The following RAP1GAP2 variants were observed in gnomAD, a reference collection of about 807,000 sequenced individuals.
RAP1GAP2 encodes rap1 GTPase-activating protein 2.
A neutral mutation model predicts 95.0 loss-of-function variants in RAP1GAP2; 27 were observed. The ratio of observed to expected loss-of-function variants is 0.28; its 90% CI spans 0.21 to 0.39. RAP1GAP2 has a LOEUF of 0.39. Among genes scored for constraint, RAP1GAP2 ranks in the 10% least tolerant of loss-of-function variants. RAP1GAP2 has a pLI of 1.00. For missense variants in RAP1GAP2, 771 were observed against 970.0 expected, an observed-to-expected ratio of 0.79 and a Z score of 2.72; for synonymous variants, 373 against 380.9, an observed-to-expected ratio of 0.98 and a Z score of 0.24.
chr17:2,887,305 G>C (rs2073536323), intron 2 of RAP1GAP2, among the ~76,000 whole-genome samples: 1 of 152,022 alleles, frequency 6.6e-6, no homozygotes, highest in Non-Finnish European at 1.5e-5. Context: ...GGATCTGCCT[G>C]CCTTGGCTTC....
intron 2 of RAP1GAP2, among the ~76,000 whole-genome samples, chr17:2,830,574 C>T (rs903335915): frequency 2.6e-5 from 4 of 150,990 alleles, no homozygotes; most frequent in South Asian, 2.1e-4. Flanking sequence ...ATTAGCTGGG[C>T]GTGGTGGCGG....
intron 1 of RAP1GAP2, among the ~76,000 whole-genome samples, chr17:2,769,941 T>A (rs1462257611): frequency 6.6e-6 from 1 of 151,672 alleles, no homozygotes; most frequent in Non-Finnish European, 1.5e-5. Context: ...GGCGTGGTGG[T>A]GGGCACCTGT....
intron 8 of RAP1GAP2, among the ~76,000 whole-genome samples, chr17:2,967,724 C>T (rs959375358): frequency 5.9e-5 from 9 of 152,182 alleles, no homozygotes; most frequent in African/African-American, 1.7e-4. Flanking sequence ...ATTGGCTCCA[C>T]GGTTTAGCAG....
At chr17:2,874,363 A>G (rs1398491413) in intron 2 of RAP1GAP2, among the ~76,000 whole-genome samples, 28 of 152,168 alleles carry the variant, frequency 1.8e-4, no homozygotes, top group Non-Finnish European at 1.5e-5. Flanking sequence ...CATAGCTCTT[A>G]TCTAGGGTAA....
chr17:2,869,167 C>T lies in RAP1GAP2; in HGVS notation c.81-36117C>T, dbSNP rs116400511. 2.7e-3 allele frequency among the ~76,000 whole-genome samples: 410 copies of T among 152,250 alleles called. 1 individual carries two copies. Among genetic ancestry groups the T allele is most frequent in the African/African-American group, 9.3e-3 (388 of 41,554 alleles). On this transcript the variant is annotated intron_variant, in intron 2 of 24. Transcript: ENST00000254695. The stretch of plus-strand genomic sequence containing the variant: ...GGCAGTGTTAGTTAGGATTTCAACA[C>T]AGAAATTTTAAGGGGTGCACAAATA...
intron 11 of RAP1GAP2, among the ~76,000 whole-genome samples, chr17:2,985,457 T>G (rs1162225178): frequency 6.6e-6 from 1 of 152,190 alleles, no homozygotes; most frequent in Non-Finnish European, 1.5e-5. Context: ...TCCCCAAACT[T>G]GAGTGATGTG....
intron 17 of RAP1GAP2, among the ~76,000 whole-genome samples, chr17:3,012,805 C>T (rs34192385): frequency 0.052 from 7,834 of 152,116 alleles, 264 homozygotes; most frequent in Non-Finnish European, 0.076. Flanking sequence ...AAGAGCTGTA[C>T]GTTATGTTTG....
intron 2 of RAP1GAP2, among the ~76,000 whole-genome samples, chr17:2,875,449 G>A (rs940867547): frequency 3.9e-5 from 6 of 152,124 alleles, no homozygotes; most frequent in Admixed American, 3.3e-4. Flanking sequence ...GGTTACAGGG[G>A]TAACATTGGC....
At chr17:2,764,135 A>G (rs1404764882) in intron 1 of RAP1GAP2, among the ~76,000 whole-genome samples, 1 of 152,202 alleles carries the variant, frequency 6.6e-6, no homozygotes, top group African/African-American at 2.4e-5. Flanking sequence ...TTTACCTTTT[A>G]AAAAATATAA....
chr17:2,821,800 GTACAGAACAT>G (rs986450608), intron 2 of RAP1GAP2, among the ~76,000 whole-genome samples: 43 of 152,244 alleles, frequency 2.8e-4, no homozygotes, highest in African/African-American at 9.6e-4. Context: ...AACAACGCAG[GTACAGAACAT>G]TACAGAACAT....
intron 2 of RAP1GAP2, among the ~76,000 whole-genome samples, chr17:2,804,045 C>A (rs1377610133): frequency 6.6e-6 from 1 of 152,198 alleles, no homozygotes; most frequent in Admixed American, 6.5e-5. Context: ...CAGCCAAATG[C>A]CCACTGTTGG....
intron 7 of RAP1GAP2, 80 bp downstream of exon 7, chr17:2,964,148 G>C (rs1246298363): frequency 3.0e-6 from 4 of 1,350,070 alleles, no homozygotes; most frequent in Non-Finnish European, 4.1e-6. Context: ...CCAGGCGGTA[G>C]GGGATGGGGA....
rs180939003 is a variant in RAP1GAP2 at position 2,914,438 on chromosome 17, C to T, written c.165+9070C>T. ...TTTCCCTTCCTCCTTCCTTTAAATT[C>T]GGTAGTCTTCTTGTAGGCGTTCTTT... On this transcript the variant is annotated intron_variant, in intron 3 of 24. Transcript: ENST00000254695. 1.3e-4 allele frequency among the ~76,000 whole-genome samples: 20 copies of T among 152,180 alleles called. No individual in the cohort carries two copies. In the East Asian group the frequency reaches 2.7e-3, roughly 21 times the overall value.
At chr17:3,022,587 T>A (rs1157245330) in intron 19 of RAP1GAP2, among the ~76,000 whole-genome samples, 2 of 152,260 alleles carry the variant, frequency 1.3e-5, no homozygotes, top group East Asian at 3.8e-4. Flanking sequence ...ATTATTTGTG[T>A]TTTTGCTATT....
chr17:2,962,294 G>A, intron 4 of RAP1GAP2: 1 of 261,318 alleles, frequency 3.8e-6, no homozygotes, highest in South Asian at 4.4e-5. Flanking sequence ...TGTTCCAAGT[G>A]CTCAACCCAT....
intron 11 of RAP1GAP2, 120 bp downstream of exon 11, chr17:2,985,186 G>A (rs569405702): frequency 1.2e-4 from 186 of 1,512,356 alleles, no homozygotes; most frequent in Middle Eastern, 1.1e-3. Context: ...GAATACAACG[G>A]TCACATTTAA....
At chr17:2,939,855 C>T (rs758354029) in intron 3 of RAP1GAP2, among the ~76,000 whole-genome samples, 3 of 152,254 alleles carry the variant, frequency 2.0e-5, no homozygotes, top group Non-Finnish European at 4.4e-5. Flanking sequence ...GAAAAACGCC[C>T]GCGGCAGAGG....
chr17:2,811,040 C>T (rs1028286692), intron 2 of RAP1GAP2, among the ~76,000 whole-genome samples: 2 of 152,114 alleles, frequency 1.3e-5, no homozygotes, highest in East Asian at 1.9e-4. Flanking sequence ...TTGGCCCGCA[C>T]GTCCCCACTT....
intron 2 of RAP1GAP2, among the ~76,000 whole-genome samples, chr17:2,879,610 C>T (rs1178108914): frequency 6.6e-6 from 1 of 151,738 alleles, no homozygotes; most frequent in African/African-American, 2.4e-5. Flanking sequence ...CCTGTAATCC[C>T]AGCTACTCAG....
Sources: gnomAD v4.1 joint callset for allele counts (sites outside exome capture counted in the v4.1 genomes callset) on GRCh38, gnomAD v4.1.1 for gene constraint, MANE v1.5 for transcripts, NCBI Gene and HGNC (gene_info 2026-07-23, HGNC 2026-07-21) for gene names.